Variants in NPAS3 observed in about 807,000 individuals in gnomAD.
NPAS3 encodes neuronal PAS domain protein 3, also known as neuronal PAS domain-containing protein 3.
In NPAS3, 14 loss-of-function variants were observed where a neutral mutation model predicts 73.1. That is an observed-to-expected ratio of 0.19 (90% CI 0.13 to 0.30). The LOEUF (loss-of-function observed/expected upper bound fraction) is 0.30, where lower values mean the gene tolerates loss of function less well. NPAS3 is among the 10% of genes least tolerant of loss of function. The probability of loss-of-function intolerance (pLI) is 1.00; values close to 1 mark genes in which losing one functional copy is unlikely to be tolerated. For synonymous variants in NPAS3, 620 were observed against 541.5 expected (o/e 1.14, Z -2.01); for missense variants, 1,096 against 1,250.0 (o/e 0.88, Z 1.86).
At chr14:33,409,933 T>C (rs766657642) in intron 4 of NPAS3, among the ~76,000 whole-genome samples, 74 of 152,152 alleles carry the variant, frequency 4.9e-4, no homozygotes, top group Non-Finnish European at 9.7e-4. Flanking sequence ...AAGTATTTTG[T>C]AAGGAGTTGG....
intron 1 of NPAS3, among the ~76,000 whole-genome samples, chr14:32,984,019 G>A (rs915959706): frequency 2.6e-5 from 4 of 152,172 alleles, no homozygotes; most frequent in African/African-American, 9.7e-5. Context: ...ACTGCACCCG[G>A]CCAAATAGAA....
At position 33,373,628 on chromosome 14, in the gene NPAS3, C is replaced by T. The variant is rs115940659; in HGVS notation, c.468+6360C>T. Among the ~76,000 whole-genome samples the T allele has an allele frequency of 8.9e-3, 1,354 of 152,122 alleles. 22 individuals are homozygous for T. Among genetic ancestry groups the T allele is most frequent in the African/African-American group, 0.031 (1,276 of 41,492 alleles). On this transcript the variant is annotated intron_variant, in intron 4 of 11. Transcript: ENST00000356141. ...GTATTGAGAGAATAAAAAGAATGTT[C>T]TGTAAGAAATGCTGTAAATTAAAGT...
At chr14:33,318,220 T>C (rs938446225) in intron 3 of NPAS3, among the ~76,000 whole-genome samples, 6 of 152,080 alleles carry the variant, frequency 3.9e-5, no homozygotes, top group Non-Finnish European at 7.4e-5. Context: ...GAGGACATTA[T>C]GCTAAATGAA....
intron 3 of NPAS3, among the ~76,000 whole-genome samples, chr14:33,228,733 C>T (rs886868589): frequency 4.6e-5 from 7 of 151,988 alleles, no homozygotes; most frequent in Non-Finnish European, 7.4e-5. Flanking sequence ...GAGGGAGTGA[C>T]GCATTCTCAC....
At chr14:33,580,693 A>G (rs1449450941) in intron 5 of NPAS3, among the ~76,000 whole-genome samples, 2 of 152,152 alleles carry the variant, frequency 1.3e-5, no homozygotes, top group Non-Finnish European at 2.9e-5. Flanking sequence ...GTTTTCTTAG[A>G]AAAATCTCAT....
intron 5 of NPAS3, among the ~76,000 whole-genome samples, chr14:33,673,357 TATG>T (rs943296262): frequency 6.6e-6 from 1 of 152,218 alleles, no homozygotes; most frequent in African/African-American, 2.4e-5. Flanking sequence ...AAAAGATTGT[TATG>T]AGGATTAATC....
intron 9 of NPAS3, among the ~76,000 whole-genome samples, chr14:33,785,172 A>G (rs2063130688): frequency 6.6e-6 from 1 of 151,252 alleles, no homozygotes; most frequent in Non-Finnish European, 1.5e-5. Context: ...ATGGTGGCTC[A>G]TGCTTGTAAT....
intron 2 of NPAS3, among the ~76,000 whole-genome samples, chr14:33,137,519 G>A (rs984250976): frequency 6.6e-6 from 1 of 152,178 alleles, no homozygotes; most frequent in Non-Finnish European, 1.5e-5. Flanking sequence ...TTTAATTGAA[G>A]TACAAATTTC....
chr14:33,453,829 C>T (rs2049907681), intron 4 of NPAS3, among the ~76,000 whole-genome samples: 1 of 152,114 alleles, frequency 6.6e-6, no homozygotes, highest in African/African-American at 2.4e-5. Flanking sequence ...ATTTAATCCT[C>T]CTAATGGTCT....
chr14:33,310,797 A>G (rs1210385043), intron 3 of NPAS3, among the ~76,000 whole-genome samples: 1 of 33,966 alleles, frequency 2.9e-5, no homozygotes, highest in Admixed American at 2.2e-4. Flanking sequence ...TGGTACACAC[A>G]CACACACACA....
At chr14:33,459,136 C>G (rs978670223) in intron 4 of NPAS3, among the ~76,000 whole-genome samples, 11 of 152,268 alleles carry the variant, frequency 7.2e-5, no homozygotes, top group Admixed American at 7.2e-4. Context: ...GGGAGTGTAG[C>G]AGTGAGGACG....
At chr14:33,286,566 C>CCGAATAT (rs371039096) in intron 3 of NPAS3, among the ~76,000 whole-genome samples, 16 of 152,120 alleles carry the variant, frequency 1.1e-4, no homozygotes, top group African/African-American at 3.9e-4. Context: ...TGTGGGGTTA[C>CCGAATAT]CGAATATCGG....
chr14:33,294,086 AG>A (rs1385760499), intron 3 of NPAS3, among the ~76,000 whole-genome samples: 1 of 152,182 alleles, frequency 6.6e-6, no homozygotes, highest in Non-Finnish European at 1.5e-5. Flanking sequence ...GCAACTGAGG[AG>A]GGAAAGCTTG....
intron 4 of NPAS3, among the ~76,000 whole-genome samples, chr14:33,448,940 A>G (rs1432001295): frequency 6.6e-6 from 1 of 152,194 alleles, no homozygotes; most frequent in Non-Finnish European, 1.5e-5. Context: ...TAAAGAGGAA[A>G]CCCTGATATG....
intron 4 of NPAS3, among the ~76,000 whole-genome samples, chr14:33,403,386 C>T (rs992361717): frequency 3.3e-5 from 5 of 151,740 alleles, no homozygotes; most frequent in Non-Finnish European, 5.9e-5. Context: ...AGAAAAAATG[C>T]AATAGTACAA....
chr14:33,675,419 T>C (rs961778470), intron 5 of NPAS3, among the ~76,000 whole-genome samples: 2 of 152,212 alleles, frequency 1.3e-5, no homozygotes, highest in African/African-American at 4.8e-5. Flanking sequence ...TTCTGATATT[T>C]GATATTCATT....
chr14:33,212,818 C>T (rs952201508), intron 2 of NPAS3, among the ~76,000 whole-genome samples: 3 of 152,108 alleles, frequency 2.0e-5, no homozygotes, highest in Non-Finnish European at 4.4e-5. Flanking sequence ...TAAATACATT[C>T]GTGATCATTC....
chr14:33,700,659 T>C (rs2060500851), intron 6 of NPAS3, among the ~76,000 whole-genome samples: 1 of 152,238 alleles, frequency 6.6e-6, no homozygotes. Flanking sequence ...AGGTAAAGGC[T>C]GAAAAGCTTA....
At chr14:32,968,848 TGC>T (rs1375758767) in intron 1 of NPAS3, among the ~76,000 whole-genome samples, 2 of 151,630 alleles carry the variant, frequency 1.3e-5, no homozygotes, top group East Asian at 1.9e-4. Context: ...TAGGTAAATG[TGC>T]GCCATGGTGG....
Sources: gnomAD v4.1 joint callset for allele counts (sites outside exome capture counted in the v4.1 genomes callset) on GRCh38, gnomAD v4.1.1 for gene constraint, MANE v1.5 for transcripts, NCBI Gene and HGNC (gene_info 2026-07-23, HGNC 2026-07-21) for gene names.